The following AHNAK variants were observed in gnomAD, a reference collection of about 807,000 sequenced individuals.
The protein encoded by AHNAK is AHNAK nucleoprotein.
Under a neutral mutation model 37.8 loss-of-function variants are expected in AHNAK, and 23 were observed. That is an observed-to-expected ratio of 0.61 (90% CI 0.44 to 0.86). The LOEUF (loss-of-function observed/expected upper bound fraction) is 0.86. Ranked by LOEUF, AHNAK falls within the 40% of genes least tolerant of loss-of-function variation. The pLI is 0.00. For synonymous variants in AHNAK, 2,481 were observed against 2,636.3 expected, an observed-to-expected ratio of 0.94 and a Z score of 1.80; for missense variants, 7,411 against 7,319.4, an observed-to-expected ratio of 1.01 and a Z score of -0.46.
intron 4 of AHNAK, among the ~76,000 whole-genome samples, chr11:62,496,474 C>G (rs1049629364): frequency 6.6e-6 from 1 of 152,138 alleles, no homozygotes; most frequent in African/African-American, 2.4e-5. Flanking sequence ...GAGAAAAATT[C>G]TTCCACAGCC....
intron 1 of AHNAK, among the ~76,000 whole-genome samples, chr11:62,543,163 C>T (rs1252700168): frequency 6.6e-6 from 1 of 152,200 alleles, no homozygotes; most frequent in African/African-American, 2.4e-5. Flanking sequence ...TCAGCTGGGG[C>T]CTGCACCCCC....
Position 62,533,984 on chromosome 11 carries a change from C to G in AHNAK, c.433G>C (p.Glu145Gln). ...SEDGVEGDLGETQSRTITVTR... is the reference protein window; with the variant it reads ...SEDGVEGDLGQTQSRTITVTR... ...ACTGTGATGGTACGGCTCTGGGTCT[C>G]CCCGAGGTCTCCTTCCACTCCATCT... is the stretch of plus-strand genomic sequence containing the variant. The change falls in exon 5 of 5, where the codon GAG (glutamate) becomes CAG (glutamine). Residue 145 changes from glutamate to glutamine, a missense_variant. Glu to Gln is a conservative substitution (Grantham distance 29). Coordinates refer to ENST00000378024, the MANE Select transcript of AHNAK (RefSeq NM_001620.3). 6.2e-7 allele frequency: 1 copy of G among 1,607,872 alleles called. No homozygotes were observed. Among genetic ancestry groups the G allele is most frequent in the Non-Finnish European group, 8.5e-7 (1 of 1,175,834 alleles).
chr11:62,499,274 C>T (rs768223780), intron 4 of AHNAK, among the ~76,000 whole-genome samples: 1 of 152,162 alleles, frequency 6.6e-6, no homozygotes, highest in African/African-American at 2.4e-5. Context: ...ACCTGCCAGG[C>T]GCAGTGGCTT....
intron 5 of AHNAK, among the ~76,000 whole-genome samples, chr11:62,467,288 A>G (rs1030649353): frequency 2.6e-5 from 4 of 152,176 alleles, no homozygotes; most frequent in Non-Finnish European, 5.9e-5. Context: ...AAGAAAACAA[A>G]TTCTACAATT....
Position 62,521,979 on chromosome 11 carries a change from G to A in AHNAK, c.12438C>T (p.Asp4146=), listed in dbSNP as rs150249054. The A allele has an allele frequency of 1.4e-4, 227 of 1,612,300 alleles. 2 individuals carry two copies. The East Asian group carries it at 2.7e-3, about 19-fold the overall frequency. Residue 4146 remains aspartate, a synonymous_variant, in exon 5 of 5, where the codon GAC becomes GAT. Transcript: ENST00000378024. ...CCACTTTGGGCAGAGAAACGTCCAC[G>A]TCGCCCTTCATCTTTGGACCTTTCA... The part of the protein sequence containing the change: ...LNLKGPKMKG[D]VDVSLPKVEG...
At chr11:62,455,865 C>G (rs1938647098) in intron 5 of AHNAK, among the ~76,000 whole-genome samples, 1 of 145,802 alleles carries the variant, frequency 6.9e-6, no homozygotes, top group African/African-American at 2.6e-5. Context: ...CTCCATCCCC[C>G]CAAAAAAAAA....
At chr11:62,498,774 T>A (rs1342287536) in intron 4 of AHNAK, among the ~76,000 whole-genome samples, 4 of 151,362 alleles carry the variant, frequency 2.6e-5, no homozygotes, top group Non-Finnish European at 5.9e-5. Flanking sequence ...AAGGCCCTTC[T>A]CTAAAAAAAA....
intron 1 of AHNAK, chr11:62,546,065 G>C (rs1484417924): frequency 6.5e-6 from 1 of 152,834 alleles, no homozygotes; most frequent in African/African-American, 2.4e-5. Context: ...CGGGGAACGC[G>C]GAGAGGCAAG....
In AHNAK at chr11:62,522,533, C is replaced by A. The variant is rs1268515250; in HGVS notation, c.11884G>T (p.Asp3962Tyr). The A allele has an allele frequency of 6.2e-7, 1 of 1,613,852 alleles. No homozygotes were observed. Among genetic ancestry groups the A allele is most frequent in the Non-Finnish European group, 8.5e-7 (1 of 1,179,994 alleles). Reference protein sequence around the residue: ...VDVNLPKADLDVSGPKVDVDV... With the variant: ...VDVNLPKADLYVSGPKVDVDV... ...ACGTCCACCTTGGGTCCTGAGACGT[C>A]AAGGTCAGCCTTGGGCAGGTTCACA... is the stretch of plus-strand genomic sequence containing the variant. The change falls in exon 5 of 5, where the codon GAC (aspartate) becomes TAC (tyrosine). Residue 3962 changes from aspartate to tyrosine, a missense_variant. Physicochemically the swap from Asp to Tyr is radical, Grantham distance 160 (BLOSUM62 -3). Coordinates refer to ENST00000378024, the MANE Select transcript of AHNAK (RefSeq NM_001620.3).
intron 4 of AHNAK, among the ~76,000 whole-genome samples, chr11:62,510,603 G>A (rs1411046603): frequency 6.6e-6 from 1 of 151,874 alleles, no homozygotes; most frequent in Non-Finnish European, 1.5e-5. Flanking sequence ...AATTAGGCAG[G>A]CATGATGGCA....
At chr11:62,501,849 C>T (rs1284901250) in intron 4 of AHNAK, among the ~76,000 whole-genome samples, 4 of 152,214 alleles carry the variant, frequency 2.6e-5, no homozygotes. Flanking sequence ...AAAGACAAAG[C>T]CAGCCCCGCA....
Position 62,531,692 on chromosome 11 carries a change from A to G in AHNAK, c.2725T>C (p.Ser909Pro). The change falls in exon 5 of 5, where the codon TCA becomes CCA. Residue 909 changes from serine to proline, a missense_variant. Coordinates refer to ENST00000378024, the MANE Select transcript of AHNAK (RefSeq NM_001620.3). ...VNLPKADVDI[S>P]GPKVGVEVPD... The stretch of plus-strand genomic sequence containing the variant: ...ACTTCAACACCCACCTTGGGTCCTG[A>G]GATGTCCACATCAGCCTTGGGCAGG... 6.2e-7 allele frequency: 1 copy of G among 1,614,096 alleles called. No homozygotes were observed. Among genetic ancestry groups the G allele is most frequent in the Non-Finnish European group, 8.5e-7 (1 of 1,180,024 alleles).
Position 62,519,421 on chromosome 11 carries a change from G to A in AHNAK, c.14996C>T (p.Thr4999Ile), listed in dbSNP as rs140189854. 3.7e-4 allele frequency: 591 copies of A among 1,611,890 alleles called. No homozygotes were observed. Among genetic ancestry groups the A allele is most frequent in the Non-Finnish European group, 4.8e-4 (570 of 1,179,040 alleles). The change falls in exon 5 of 5, where the codon ACT becomes ATT. Residue 4999 changes from threonine to isoleucine, a missense_variant. By Grantham distance (89) the Thr-to-Ile change is moderately conservative. Coordinates refer to ENST00000378024, the MANE Select transcript of AHNAK (RefSeq NM_001620.3). ...AAGGTTCAGCTCTGCCTCAGGAACA[G>A]TGACATCCAGTGAAGGTGACTTGAT... ...ADIKSPSLDV[T>I]VPEAELNLET...
chr11:62,479,518 G>A (rs1422169910), intron 5 of AHNAK, among the ~76,000 whole-genome samples: 1 of 151,834 alleles, frequency 6.6e-6, no homozygotes, highest in Admixed American at 6.6e-5. Context: ...GGTCTGCGAA[G>A]TGCTAAAAAT....
At chr11:62,437,605 C>T (rs111934365) in intron 5 of AHNAK, among the ~76,000 whole-genome samples, 20,339 of 152,266 alleles carry the variant, frequency 0.13, 1,648 homozygotes, top group Middle Eastern at 0.2. Flanking sequence ...GTTATCCACC[C>T]ACCTTGGCCT....
rs752890577 is a variant in AHNAK, at chr11:62,535,180, A to C, written c.165T>G (p.Ile55Met). The change falls in exon 4 of 5, where the codon ATT becomes ATG. Residue 55 changes from isoleucine to methionine, a missense_variant. Ile to Met is a conservative substitution (Grantham distance 10). Coordinates refer to ENST00000378024, the MANE Select transcript of AHNAK (RefSeq NM_001620.3). ...TGTCAAAGTAGATGGTGGCACCCAC[A>C]ATCTGGTCCCCTGAGCAGGGAAGAG... ...RTGVVKEGDQ[I>M]VGATIYFDNL... 3.1e-6 allele frequency: 5 copies of C among 1,609,814 alleles called. No homozygotes were observed. In the Admixed American group the frequency reaches 5.0e-5, roughly 16 times the overall value.
intron 4 of AHNAK, among the ~76,000 whole-genome samples, chr11:62,500,991 G>T (rs1400357544): frequency 6.6e-6 from 1 of 152,100 alleles, no homozygotes; most frequent in Non-Finnish European, 1.5e-5. Context: ...GGCTGAGATG[G>T]GAGAATTGCT....
At chr11:62,457,492 T>G (rs999963735) in intron 5 of AHNAK, among the ~76,000 whole-genome samples, 4 of 149,654 alleles carry the variant, frequency 2.7e-5, no homozygotes, top group African/African-American at 9.9e-5. Flanking sequence ...TAGCTGGGCA[T>G]GGTGCCACAA....
Position 62,519,075 on chromosome 11 carries a change from C to G in AHNAK, c.15342G>C (p.Glu5114Asp). ...CCAGATCAGGTGCCTGGAGTTCACC[C>G]TCCAGTTTGGGGCTAGGGAGAGGGG... ...AEAPLPSPKL[E>D]GELQAPDLEL... Residue 5114 changes from glutamate to aspartate, a missense_variant, in exon 5 of 5, where the codon GAG (glutamate) becomes GAC (aspartate). Physicochemically the swap from Glu to Asp is conservative, Grantham distance 45. Coordinates refer to ENST00000378024, the MANE Select transcript of AHNAK (RefSeq NM_001620.3). The G allele has an allele frequency of 6.2e-7, 1 of 1,613,240 alleles. No homozygotes were observed. Among genetic ancestry groups the G allele is most frequent in the Non-Finnish European group, 8.5e-7 (1 of 1,179,520 alleles).
Sources: gnomAD v4.1 joint callset for allele counts (sites outside exome capture counted in the v4.1 genomes callset) on GRCh38, gnomAD v4.1.1 for gene constraint, MANE v1.5 for transcripts, NCBI Gene and HGNC (gene_info 2026-07-23, HGNC 2026-07-21) for gene names.